The following SLC24A4 variants were observed in gnomAD, a reference collection of about 807,000 sequenced individuals.
The protein encoded by SLC24A4 is sodium/potassium/calcium exchanger 4.
In SLC24A4, 53 loss-of-function variants were observed where a neutral mutation model predicts 79.0. The observed-to-expected ratio is 0.67, with a 90% CI of 0.54 to 0.84. The LOEUF is 0.84. Ranked by LOEUF, SLC24A4 falls within the 40% of genes least tolerant of loss-of-function variation. The pLI is 0.00. For synonymous variants in SLC24A4, 323 were observed against 323.8 expected (o/e 1.00, Z 0.03); for missense variants, 731 against 822.0 (o/e 0.89, Z 1.35).
intron 2 of SLC24A4, among the ~76,000 whole-genome samples, chr14:92,412,411 C>G (rs1890769792): frequency 2.6e-5 from 4 of 152,156 alleles, no homozygotes. Flanking sequence ...GGGTGCCAGA[C>G]AGGCAAAAAC....
At chr14:92,462,175 G>A (rs1893851989) in intron 12 of SLC24A4, 3 of 152,346 alleles carry the variant, frequency 2.0e-5, no homozygotes, top group African/African-American at 7.2e-5. Flanking sequence ...GCCGGGAGCA[G>A]AGTCCCAAAG....
chr14:92,461,216 C>G (rs947092562), intron 12 of SLC24A4, among the ~76,000 whole-genome samples: 1 of 152,168 alleles, frequency 6.6e-6, no homozygotes, highest in Non-Finnish European at 1.5e-5. Context: ...GCGCCCGTAA[C>G]GGTAAGGAAA....
At chr14:92,387,813 T>C (rs1889249244) in intron 2 of SLC24A4, among the ~76,000 whole-genome samples, 1 of 152,230 alleles carries the variant, frequency 6.6e-6, no homozygotes, top group South Asian at 2.1e-4. Flanking sequence ...AGACAATATT[T>C]GTTCTTTTGT....
intron 2 of SLC24A4, among the ~76,000 whole-genome samples, chr14:92,423,135 T>C (rs1442269878): frequency 1.6e-5 from 2 of 123,770 alleles, no homozygotes; most frequent in African/African-American, 5.8e-5. Flanking sequence ...TTTAATTTAA[T>C]TTTATTTCAT....
At chr14:92,442,467 A>C (rs1232191392) in intron 5 of SLC24A4, among the ~76,000 whole-genome samples, 1 of 152,190 alleles carries the variant, frequency 6.6e-6, no homozygotes, top group Non-Finnish European at 1.5e-5. Flanking sequence ...TAAATGGGTA[A>C]ATTTTATAGC....
chr14:92,324,807 C>A (rs1434874628), intron 1 of SLC24A4, among the ~76,000 whole-genome samples: 1 of 152,118 alleles, frequency 6.6e-6, no homozygotes, highest in Non-Finnish European at 1.5e-5. Context: ...GTGATTTAAA[C>A]ACCAAGACAT....
At chr14:92,456,957 T>C (rs1893511631) in intron 12 of SLC24A4, among the ~76,000 whole-genome samples, 1 of 152,218 alleles carries the variant, frequency 6.6e-6, no homozygotes, top group Non-Finnish European at 1.5e-5. Flanking sequence ...GTGTTATTTT[T>C]AGGGACATTC....
chr14:92,486,021 C>T (rs1406253315), intron 13 of SLC24A4, among the ~76,000 whole-genome samples: 1 of 152,178 alleles, frequency 6.6e-6, no homozygotes, highest in Admixed American at 6.5e-5. Flanking sequence ...GCAAGATGTG[C>T]CCACCTCAGC....
intron 2 of SLC24A4, among the ~76,000 whole-genome samples, chr14:92,386,526 G>T (rs1889167395): frequency 6.6e-6 from 1 of 152,158 alleles, no homozygotes. Context: ...TTTCTTCTGG[G>T]TGATGGGGCA....
chr14:92,360,223 G>A (rs931515878), intron 2 of SLC24A4, among the ~76,000 whole-genome samples: 1 of 152,034 alleles, frequency 6.6e-6, no homozygotes, highest in South Asian at 2.1e-4. Context: ...CGCCTAGCCT[G>A]TGTTTTAGTT....
chr14:92,387,126 A>G (rs545085200), intron 2 of SLC24A4, among the ~76,000 whole-genome samples: 1 of 149,716 alleles, frequency 6.7e-6, no homozygotes, highest in Non-Finnish European at 1.5e-5. Flanking sequence ...TGGGGGTTCC[A>G]AGGGGGCAAC....
intron 2 of SLC24A4, among the ~76,000 whole-genome samples, chr14:92,362,713 G>T (rs866346804): frequency 6.6e-6 from 1 of 152,184 alleles, no homozygotes; most frequent in Non-Finnish European, 1.5e-5. Flanking sequence ...AGTGTGCTGC[G>T]TCCCAAGTCT....
intron 10 of SLC24A4, chr14:92,452,047 GA>G (rs2139838415): frequency 6.6e-6 from 1 of 152,450 alleles, no homozygotes; most frequent in Non-Finnish European, 1.5e-5. Flanking sequence ...CCTGGGGAAG[GA>G]AGGAGAATTC....
intron 2 of SLC24A4, among the ~76,000 whole-genome samples, chr14:92,364,934 A>G (rs1887741301): frequency 6.6e-6 from 1 of 152,148 alleles, no homozygotes; most frequent in Non-Finnish European, 1.5e-5. Context: ...GTGGTCCCAA[A>G]GGTGCCGTGA....
intron 4 of SLC24A4, among the ~76,000 whole-genome samples, chr14:92,439,801 G>A (rs1439315613): frequency 6.6e-6 from 1 of 152,206 alleles, no homozygotes; most frequent in African/African-American, 2.4e-5. Flanking sequence ...CCCCGCCAGG[G>A]GGACGCCAAG....
chr14:92,420,709 T>C (rs183574737), intron 2 of SLC24A4, among the ~76,000 whole-genome samples: 2 of 152,286 alleles, frequency 1.3e-5, no homozygotes, highest in Non-Finnish European at 2.9e-5. Context: ...CAATGAAGAA[T>C]TGTTTCTGCA....
chr14:92,466,778 G>T (rs1894151272), intron 12 of SLC24A4, among the ~76,000 whole-genome samples: 1 of 152,258 alleles, frequency 6.6e-6, no homozygotes, highest in South Asian at 2.1e-4. Context: ...CAGGCAAGCT[G>T]TACAGTACAT....
intron 10 of SLC24A4, chr14:92,452,512 C>T (rs1203770602): frequency 3.9e-5 from 6 of 152,272 alleles, no homozygotes; most frequent in African/African-American, 1.2e-4. Flanking sequence ...TAATAACACT[C>T]TCCAGCACAT....
At chr14:92,473,027 C>T (rs1426163847) in intron 12 of SLC24A4, among the ~76,000 whole-genome samples, 2 of 152,238 alleles carry the variant, frequency 1.3e-5, no homozygotes, top group Admixed American at 6.5e-5. Flanking sequence ...AGCACTGGTG[C>T]TTCCTCATGT....
Sources: allele counts gnomAD v4.1 joint callset (sites outside exome capture counted in the v4.1 genomes callset), GRCh38; gene constraint gnomAD v4.1.1; transcripts MANE v1.5; gene names NCBI Gene and HGNC (gene_info 2026-07-23, HGNC 2026-07-21).